Variants in SPIDR observed in about 807,000 individuals in gnomAD.
SPIDR encodes the protein DNA repair-scaffolding protein.
SPIDR carries 93 observed loss-of-function variants against 104.6 expected under a neutral mutation model. The ratio of observed to expected loss-of-function variants is 0.89; its 90% CI spans 0.75 to 1.06. SPIDR has a LOEUF of 1.06. Ranked by LOEUF, SPIDR falls within the 50% of genes least tolerant of loss-of-function variation. SPIDR has a pLI of 0.00. For missense variants in SPIDR, 1,154 were observed against 1,111.2 expected (o/e 1.04, Z -0.55); for synonymous variants, 431 against 416.9 (o/e 1.03, Z -0.41).
chr8:47,720,597 GTTAT>G (rs1310235025), intron 16 of SPIDR, among the ~76,000 whole-genome samples: 6 of 152,042 alleles, frequency 3.9e-5, no homozygotes, highest in African/African-American at 1.2e-4. Flanking sequence ...TTTTCATATG[GTTAT>G]TTGTCAACCT....
chr8:47,586,003 T>C (rs2060214223), intron 8 of SPIDR, among the ~76,000 whole-genome samples: 1 of 152,182 alleles, frequency 6.6e-6, no homozygotes, highest in African/African-American at 2.4e-5. Flanking sequence ...TCTTTAGGTA[T>C]TGGCTTTTTT....
rs1298052531 is a variant in SPIDR at position 47,645,595 on chromosome 8, TAGCTATGGGA to T, written c.1545-28204_1545-28195del. ...AAAACACTGTAAGATAAATAACATC[TAGCTATGGGA>T]AACAGAAATTAATGAAAGCCACTTT... On this transcript the variant is annotated intron_variant, in intron 10 of 19. Coordinates refer to ENST00000297423, the MANE Select transcript of SPIDR (RefSeq NM_001080394.4). 2.0e-5 allele frequency among the ~76,000 whole-genome samples: 3 copies of T among 152,184 alleles called. No homozygotes were observed. In the East Asian group the frequency reaches 5.8e-4, roughly 29 times the overall value.
At chr8:47,390,869 C>T (rs1324298940) in intron 5 of SPIDR, among the ~76,000 whole-genome samples, 1 of 152,120 alleles carries the variant, frequency 6.6e-6, no homozygotes, top group Non-Finnish European at 1.5e-5. Context: ...AACTTATGGC[C>T]CTCCTTTCTC....
chr8:47,277,318 ATGTTATGTTATGTTATG>A (rs2036665083), intron 1 of SPIDR, among the ~76,000 whole-genome samples: 2 of 2,424 alleles, frequency 8.3e-4, no homozygotes, highest in African/African-American at 1.6e-3. Context: ...TATGTTTGTT[ATGTTATGTTATGTTATG>A]TTATGTTATG....
chr8:47,657,525 CTG>C (rs933689955), intron 10 of SPIDR, among the ~76,000 whole-genome samples: 16 of 152,264 alleles, frequency 1.1e-4, no homozygotes, highest in Admixed American at 2.6e-4. Flanking sequence ...GGTGATAAAA[CTG>C]TATCAAACTA....
Position 47,595,891 on chromosome 8 carries a change from A to C in SPIDR, c.1178A>C (p.Asp393Ala). The C allele has an allele frequency of 6.2e-7, 1 of 1,614,234 alleles. No individual in the cohort carries two copies. Among genetic ancestry groups the C allele is most frequent in the Non-Finnish European group, 8.5e-7 (1 of 1,180,028 alleles). ...YFCEKVVAKEDSEKTCEVYCP... is the reference protein window; with the variant it reads ...YFCEKVVAKEASEKTCEVYCP... ...TGTGAGAAAGTTGTTGCCAAAGAAG[A>C]TTCAGAAAAAACTTGTGAAGTGTAC... The change falls in exon 9 of 20, where the codon GAT (aspartate) becomes GCT (alanine). Residue 393 changes from aspartate to alanine, a missense_variant. Physicochemically the swap from Asp to Ala is moderately radical, Grantham distance 126. Transcript: ENST00000297423.
intron 5 of SPIDR, among the ~76,000 whole-genome samples, chr8:47,349,559 A>C (rs998113445): frequency 5.7e-4 from 87 of 152,338 alleles, no homozygotes; most frequent in African/African-American, 1.9e-3. Flanking sequence ...TTGTTCAGCT[A>C]TGCCCTGCCC....
intron 5 of SPIDR, among the ~76,000 whole-genome samples, chr8:47,331,965 CTTTTT>C (rs1183447584): frequency 0.03 from 972 of 32,678 alleles, 10 homozygotes; most frequent in African/African-American, 0.075. Context: ...TTTTTTTAAA[CTTTTT>C]TTTTTTTTTT....
intron 10 of SPIDR, among the ~76,000 whole-genome samples, chr8:47,611,102 G>A (rs1014614504): frequency 6.6e-6 from 1 of 152,232 alleles, no homozygotes; most frequent in East Asian, 1.9e-4. Flanking sequence ...AGAAGGTGGG[G>A]TGAGGTTGTG....
chr8:47,472,031 A>G (rs1414760463), intron 8 of SPIDR, among the ~76,000 whole-genome samples: 1 of 152,188 alleles, frequency 6.6e-6, no homozygotes, highest in Non-Finnish European at 1.5e-5. Context: ...TTTTACATTC[A>G]TGTTCACTGT....
chr8:47,644,795 A>G (rs1308879297), intron 10 of SPIDR, among the ~76,000 whole-genome samples: 1 of 152,216 alleles, frequency 6.6e-6, no homozygotes, highest in Non-Finnish European at 1.5e-5. Flanking sequence ...AGGAGCATCA[A>G]GGTCACCTTG....
At chr8:47,717,740 C>G (rs2082771838) in intron 16 of SPIDR, among the ~76,000 whole-genome samples, 1 of 152,212 alleles carries the variant, frequency 6.6e-6, no homozygotes, top group Non-Finnish European at 1.5e-5. Context: ...ACTGAACCTT[C>G]AAATGGGTGT....
At chr8:47,539,926 T>A (rs957427866) in intron 8 of SPIDR, among the ~76,000 whole-genome samples, 9 of 152,124 alleles carry the variant, frequency 5.9e-5, no homozygotes, top group Non-Finnish European at 1.0e-4. Flanking sequence ...GCTTCCTTCT[T>A]ATCCTAACCC....
intron 3 of SPIDR, among the ~76,000 whole-genome samples, chr8:47,287,079 T>C (rs1164720995): frequency 6.6e-6 from 1 of 152,066 alleles, no homozygotes; most frequent in Non-Finnish European, 1.5e-5. Context: ...CACATAACAG[T>C]AGGACCGTGA....
intron 5 of SPIDR, among the ~76,000 whole-genome samples, chr8:47,322,373 C>T (rs959873980): frequency 6.6e-5 from 10 of 152,134 alleles, no homozygotes; most frequent in South Asian, 2.1e-4. Flanking sequence ...AAATGCAAAT[C>T]GAAACCACAA....
chr8:47,401,525 G>C (rs534014335), intron 6 of SPIDR, among the ~76,000 whole-genome samples: 9 of 152,108 alleles, frequency 5.9e-5, no homozygotes, highest in Non-Finnish European at 1.2e-4. Flanking sequence ...CCAATTAAAA[G>C]ACAGAGACTA....
chr8:47,501,439 CTGTT>C (rs1443205719), intron 8 of SPIDR, among the ~76,000 whole-genome samples: 12 of 152,078 alleles, frequency 7.9e-5, no homozygotes, highest in Admixed American at 2.6e-4. Flanking sequence ...ATTTGGCTCT[CTGTT>C]TGTCTGTTAT....
At chr8:47,467,617 A>T (rs1554718391) in intron 8 of SPIDR, among the ~76,000 whole-genome samples, 1 of 152,194 alleles carries the variant, frequency 6.6e-6, no homozygotes, top group African/African-American at 2.4e-5. Context: ...AAACCACATG[A>T]TTATCTCAAT....
intron 5 of SPIDR, among the ~76,000 whole-genome samples, chr8:47,389,688 C>CAAAA (rs11295388): frequency 2.9e-4 from 18 of 61,966 alleles, no homozygotes; most frequent in African/African-American, 1.0e-3. Flanking sequence ...GACTCCATCT[C>CAAAA]AAAAAAAAAA....
Sources: allele counts gnomAD v4.1 joint callset (sites outside exome capture counted in the v4.1 genomes callset), GRCh38; gene constraint gnomAD v4.1.1; transcripts MANE v1.5; gene names NCBI Gene and HGNC (gene_info 2026-07-23, HGNC 2026-07-21).